INTU: variants seen among roughly 807,000 people sequenced by gnomAD.
INTU encodes the protein protein inturned.
INTU carries 68 observed loss-of-function variants against 100.5 expected under a neutral mutation model. The observed-to-expected ratio is 0.68, with a 90% CI of 0.56 to 0.83. The LOEUF (loss-of-function observed/expected upper bound fraction) is 0.83. Ranked by LOEUF, INTU falls within the 40% of genes least tolerant of loss-of-function variation. INTU has a pLI of 0.00. For missense variants in INTU, 1,071 were observed against 1,114.7 expected (o/e 0.96, Z 0.56); for synonymous variants, 357 against 395.7 (o/e 0.90, Z 1.16).
At chr4:127,675,024 G>A (rs1729111861) in intron 6 of INTU, among the ~76,000 whole-genome samples, 1 of 152,154 alleles carries the variant, frequency 6.6e-6, no homozygotes, top group Non-Finnish European at 1.5e-5. Context: ...AACTAAGGGA[G>A]AAATAGACTA....
At chr4:127,654,662 C>T (rs1441380264) in intron 2 of INTU, among the ~76,000 whole-genome samples, 2 of 149,556 alleles carry the variant, frequency 1.3e-5, no homozygotes, top group East Asian at 2.0e-4. Flanking sequence ...AACATTTTTT[C>T]CTTCATTTCA....
At chr4:127,712,993 AAACT>A in intron 14 of INTU, among the ~76,000 whole-genome samples, 1 of 152,316 alleles carries the variant, frequency 6.6e-6, no homozygotes. Flanking sequence ...GTACTGGAGC[AAACT>A]GAGTGAGAAG....
At chr4:127,706,400 T>C (rs950433054) in intron 11 of INTU, 87 bp from the exon 12 acceptor site, 28 of 1,149,662 alleles carry the variant, frequency 2.4e-5, no homozygotes, top group East Asian at 1.7e-4. Flanking sequence ...CCTCTATGTC[T>C]TCGATATTTA....
chr4:127,653,579 C>A (rs1578546498), intron 2 of INTU, among the ~76,000 whole-genome samples: 1 of 152,232 alleles, frequency 6.6e-6, no homozygotes, highest in East Asian at 1.9e-4. Context: ...GCACTGTGGT[C>A]TGAGAGATAG....
At chr4:127,655,056 C>T (rs1728117197) in intron 2 of INTU, among the ~76,000 whole-genome samples, 2 of 152,120 alleles carry the variant, frequency 1.3e-5, no homozygotes, top group African/African-American at 4.8e-5. Context: ...GTTCTCGAGC[C>T]TTGGTTTTTA....
At chr4:127,663,624 A>G (rs1268993947) in intron 4 of INTU, 40 bp downstream of exon 4, 1 of 1,549,020 alleles carries the variant, frequency 6.5e-7, no homozygotes. Flanking sequence ...AAGTTTAGTC[A>G]AAAGCCCAAA....
intron 4 of INTU, among the ~76,000 whole-genome samples, chr4:127,668,651 A>G (rs145200270): frequency 0.012 from 1,812 of 151,874 alleles, 16 homozygotes; most frequent in South Asian, 0.037. Context: ...CTGTGTAGCT[A>G]TGTAACCACA....
intron 1 of INTU, among the ~76,000 whole-genome samples, chr4:127,639,484 G>A (rs1727215442): frequency 1.3e-5 from 2 of 152,106 alleles, no homozygotes; most frequent in African/African-American, 4.8e-5. Context: ...AAGTTGTAGT[G>A]AAAGGTTAGG....
At chr4:127,674,020 T>C (rs532361153) in intron 5 of INTU, 104 bp from the exon 6 acceptor site, 2 of 615,666 alleles carry the variant, frequency 3.2e-6, no homozygotes, top group East Asian at 3.1e-5. Context: ...TTATTAAGTA[T>C]GTAGTTCTTA....
intron 8 of INTU, among the ~76,000 whole-genome samples, chr4:127,691,980 A>ATATATATATATATATATGTGTG (rs971919620): frequency 4.9e-5 from 7 of 143,410 alleles, no homozygotes; most frequent in African/African-American, 1.8e-4. Flanking sequence ...ATATATATAT[A>ATATATATATATATATATGTGTG]TGTCACATTT....
intron 6 of INTU, among the ~76,000 whole-genome samples, chr4:127,682,284 G>T (rs574518910): frequency 1.3e-5 from 2 of 152,074 alleles, no homozygotes; most frequent in Admixed American, 6.5e-5. Flanking sequence ...AAATCATGCT[G>T]CTATAAAGAC....
At chr4:127,671,942 G>A (rs947134350) in intron 5 of INTU, among the ~76,000 whole-genome samples, 2 of 152,004 alleles carry the variant, frequency 1.3e-5, no homozygotes, top group African/African-American at 4.8e-5. Context: ...ATAAATGGGG[G>A]CTAAATAATG....
chr4:127,711,714 G>A (rs1177646209), intron 14 of INTU, among the ~76,000 whole-genome samples: 1 of 152,198 alleles, frequency 6.6e-6, no homozygotes, highest in Non-Finnish European at 1.5e-5. Flanking sequence ...CACTTCTTAT[G>A]AGAATCTAAT....
rs541450792 is a variant in INTU at position 127,658,630 on chromosome 4, A to G, written c.768+1909A>G. ...GTGCTTCCAGTATTGCCAGAGTTCA[A>G]TCATGTCTATTCTTTCTTCAAAAAT... On this transcript the variant is annotated intron_variant, in intron 3 of 15. Transcript: ENST00000335251. Among the ~76,000 whole-genome samples, 49 of 152,308 alleles carry G rather than the reference A, an allele frequency of 3.2e-4. No individual in the cohort carries two copies. The South Asian group carries it at 3.3e-3, about 10-fold the overall frequency.
intron 1 of INTU, among the ~76,000 whole-genome samples, chr4:127,637,203 C>T (rs1727110449): frequency 6.6e-6 from 1 of 152,184 alleles, no homozygotes; most frequent in Non-Finnish European, 1.5e-5. Flanking sequence ...GGAGTTGCCT[C>T]CTAACTAATC....
At chr4:127,649,736 T>C (rs887992568) in intron 2 of INTU, among the ~76,000 whole-genome samples, 1 of 152,140 alleles carries the variant, frequency 6.6e-6, no homozygotes, top group African/African-American at 2.4e-5. Context: ...TCCCTGAGAG[T>C]AGAGATTTTG....
chr4:127,688,300 C>T lies in INTU; in HGVS notation c.1449+433C>T, dbSNP rs1231150811. On this transcript the variant is annotated intron_variant, in intron 8 of 15. Coordinates refer to ENST00000335251, the MANE Select transcript of INTU (RefSeq NM_015693.4). ...CTACCAAAATCTTTTTTTACATGAACATATGTGATTAGCTTTTGGCTTGTC... is the reference window on the plus strand; with the variant it reads ...CTACCAAAATCTTTTTTTACATGAATATATGTGATTAGCTTTTGGCTTGTC... Among the ~76,000 whole-genome samples the T allele has an allele frequency of 3.3e-5, 5 of 151,934 alleles. No homozygotes were observed. In the East Asian group the frequency reaches 9.7e-4, roughly 29 times the overall value.
intron 4 of INTU, among the ~76,000 whole-genome samples, chr4:127,666,627 A>G (rs1204004223): frequency 6.6e-6 from 1 of 152,128 alleles, no homozygotes; most frequent in Non-Finnish European, 1.5e-5. Flanking sequence ...CTCCCAGCAG[A>G]GACCCTAACT....
At chr4:127,663,641 AG>A in intron 4 of INTU, 57 bp downstream of exon 4, 1 of 1,385,002 alleles carries the variant, frequency 7.2e-7, no homozygotes, top group Non-Finnish European at 1.0e-6. Flanking sequence ...CAAAGGAAAA[AG>A]TAAGGACCTT....
Sources: gnomAD v4.1 joint callset for allele counts (sites outside exome capture counted in the v4.1 genomes callset) on GRCh38, gnomAD v4.1.1 for gene constraint, MANE v1.5 for transcripts, NCBI Gene and HGNC (gene_info 2026-07-23, HGNC 2026-07-21) for gene names.